Variants in OLFML2B observed in about 807,000 individuals in gnomAD.
OLFML2B encodes olfactomedin-like protein 2B.
OLFML2B carries 57 observed loss-of-function variants against 74.9 expected under a neutral mutation model. The ratio of observed to expected loss-of-function variants is 0.76; its 90% CI spans 0.61 to 0.95. The LOEUF (loss-of-function observed/expected upper bound fraction) is 0.95. Among genes scored for constraint, OLFML2B ranks in the 40% least tolerant of loss-of-function variants. The pLI is 0.00. For missense variants in OLFML2B, 986 were observed against 970.6 expected (o/e 1.02, Z -0.21); for synonymous variants, 388 against 405.8 (o/e 0.96, Z 0.53).
chr1:161,995,652 G>A (rs1372161247), intron 6 of OLFML2B, among the ~76,000 whole-genome samples: 1 of 152,186 alleles, frequency 6.6e-6, no homozygotes, highest in Non-Finnish European at 1.5e-5. Context: ...ACTCACTCCT[G>A]GCTAGCAAGT....
At chr1:161,987,739 G>T (rs1458123706) in intron 6 of OLFML2B, among the ~76,000 whole-genome samples, 1 of 152,176 alleles carries the variant, frequency 6.6e-6, no homozygotes, top group Non-Finnish European at 1.5e-5. Flanking sequence ...CAGCTTCTTG[G>T]GTTAGGGCAC....
intron 4 of OLFML2B, among the ~76,000 whole-genome samples, chr1:162,001,087 C>T (rs1200786433): frequency 2.0e-5 from 3 of 152,184 alleles, no homozygotes; most frequent in Admixed American, 1.3e-4. Flanking sequence ...GCCTGGATAG[C>T]CATTATACCT....
chr1:161,984,758 CG>C, intron 7 of OLFML2B, 45 bp downstream of exon 7: 4 of 1,580,870 alleles, frequency 2.5e-6, no homozygotes, highest in Non-Finnish European at 3.5e-6. Context: ...AAACAGAGGA[CG>C]TGGGGAAGGG....
intron 4 of OLFML2B, among the ~76,000 whole-genome samples, chr1:162,003,167 G>T (rs1246871980): frequency 6.6e-6 from 1 of 152,112 alleles, no homozygotes; most frequent in African/African-American, 2.4e-5. Context: ...TAACTTGCCT[G>T]CCATCCAAAA....
At chr1:161,995,487 G>A (rs1321046439) in intron 6 of OLFML2B, among the ~76,000 whole-genome samples, 1 of 152,214 alleles carries the variant, frequency 6.6e-6, no homozygotes, top group Non-Finnish European at 1.5e-5. Context: ...GCTTCTCTGG[G>A]CATCAGCATC....
At chr1:161,991,382 C>T (rs1335112340) in intron 6 of OLFML2B, among the ~76,000 whole-genome samples, 1 of 152,240 alleles carries the variant, frequency 6.6e-6, no homozygotes, top group East Asian at 1.9e-4. Context: ...TCTCCTTGCA[C>T]ATCTCCATGA....
intron 3 of OLFML2B, among the ~76,000 whole-genome samples, chr1:162,009,082 G>A (rs1690307588): frequency 6.6e-6 from 1 of 152,208 alleles, no homozygotes; most frequent in African/African-American, 2.4e-5. Flanking sequence ...GTTCAAGCGT[G>A]AGCAAGGCCA....
At chr1:161,993,968 A>G (rs1271514929) in intron 6 of OLFML2B, among the ~76,000 whole-genome samples, 1 of 152,230 alleles carries the variant, frequency 6.6e-6, no homozygotes, top group African/African-American at 2.4e-5. Context: ...TAGATGAATT[A>G]TTAATACTAG....
intron 3 of OLFML2B, among the ~76,000 whole-genome samples, chr1:162,009,681 G>A (rs959956507): frequency 1.3e-5 from 2 of 152,204 alleles, no homozygotes; most frequent in Non-Finnish European, 2.9e-5. Flanking sequence ...AGAGGCTGGC[G>A]GTGGCATCAC....
At chr1:161,998,652 T>C (rs1039728251) in intron 5 of OLFML2B, among the ~76,000 whole-genome samples, 2 of 151,980 alleles carry the variant, frequency 1.3e-5, no homozygotes, top group Non-Finnish European at 2.9e-5. Flanking sequence ...AAGTGAGTCA[T>C]CCAATCCATC....
rs750903320 is a variant in OLFML2B, at chr1:161,998,272, T to C, written c.1027A>G (p.Thr343Ala). The C allele has an allele frequency of 1.2e-6, 2 of 1,605,916 alleles. No homozygotes were observed. Among genetic ancestry groups the C allele is most frequent in the African/African-American group, 1.3e-5 (1 of 74,766 alleles). The change falls in exon 6 of 8, where the codon ACC becomes GCC. Residue 343 changes from threonine (T) to alanine (A), a missense_variant. By Grantham distance (58) the Thr-to-Ala change is moderately conservative. Transcript: ENST00000294794. ...DQLLRHNGLM[T>A]SVTRRPAATR... Reference sequence around the variant, plus strand: ...GCTGCAGGCCTCCGGGTGACACTGGTCATCAGGCCGTTGTGTCTCAGGAGC... The same window carrying C: ...GCTGCAGGCCTCCGGGTGACACTGGCCATCAGGCCGTTGTGTCTCAGGAGC...
chr1:161,983,677 A>C lies in OLFML2B; in HGVS notation c.2251T>G (p.Ter751GlyextTer40), dbSNP rs376988886. ...TTCTGCTTGTGGGGACAAGGGTGTC[A>C]GTAGGCAAAGATGACATGGTAAGTG... ...QVTYHVIFAY[*>G] Residue 751 changes from the stop codon to glycine (G), a stop_lost, in exon 8 of 8, where the codon TGA (stop) becomes GGA (glycine). Transcript: ENST00000294794. 1.9e-6 allele frequency: 3 copies of C among 1,603,280 alleles called. No homozygotes were observed. The highest frequency in any genetic ancestry group is 2.7e-5 in the African/African-American group (2 of 74,798).
At position 162,023,746 on chromosome 1, in the gene OLFML2B, G is replaced by T; in HGVS notation, c.-316C>A. On this transcript the variant is annotated 5_prime_UTR_variant, in exon 1 of 8. Transcript: ENST00000294794. Reference sequence around the variant, plus strand: ...CGCCCGCAGGAGGGCTCAGGTGGCTGGAAGGCGTTCGGACAGACGCCCGCG... The same window carrying T: ...CGCCCGCAGGAGGGCTCAGGTGGCTTGAAGGCGTTCGGACAGACGCCCGCG... The T allele has an allele frequency of 5.1e-6, 1 of 196,992 alleles. No individual in the cohort carries two copies. Among genetic ancestry groups the T allele is most frequent in the Non-Finnish European group, 1.0e-5 (1 of 97,582 alleles). The allele number at this position is 196,992 out of a possible 1,614,324, so 12.2% of individuals were successfully genotyped here.
chr1:162,014,036 A>G (rs1052837307), intron 3 of OLFML2B, among the ~76,000 whole-genome samples: 11 of 152,154 alleles, frequency 7.2e-5, no homozygotes, highest in African/African-American at 2.7e-4. Flanking sequence ...AAAAACAAGG[A>G]AAATGATTAA....
intron 2 of OLFML2B, among the ~76,000 whole-genome samples, chr1:162,019,170 C>T (rs1690630731): frequency 6.6e-6 from 1 of 152,230 alleles, no homozygotes; most frequent in Admixed American, 6.5e-5. Flanking sequence ...TTTACATGGT[C>T]ATGCCTAGCT....
At chr1:162,006,183 G>T in intron 4 of OLFML2B, 114 bp downstream of exon 4, 1 of 966,564 alleles carries the variant, frequency 1.0e-6, no homozygotes, top group Non-Finnish European at 1.5e-6. Context: ...TATGGATGAA[G>T]CGAGCTCATC....
intron 3 of OLFML2B, among the ~76,000 whole-genome samples, chr1:162,015,305 C>T (rs1048446740): frequency 6.6e-6 from 1 of 152,168 alleles, no homozygotes. Flanking sequence ...ACCCATACTC[C>T]CTCCTGAGCA....
At chr1:161,989,941 T>C (rs867292698) in intron 6 of OLFML2B, among the ~76,000 whole-genome samples, 2 of 152,236 alleles carry the variant, frequency 1.3e-5, no homozygotes, top group Non-Finnish European at 2.9e-5. Flanking sequence ...AGTGGTGTTC[T>C]AAGAAACACA....
chr1:162,006,311 A>AGGC lies in OLFML2B; in HGVS notation c.706_708dup (p.Ala236dup), dbSNP rs1267115652. The AGGC allele has an allele frequency of 6.3e-7, 1 of 1,593,420 alleles. No individual in the cohort carries two copies. The highest frequency in any genetic ancestry group is 1.1e-5 in the South Asian group (1 of 87,530). ...TGGGGCTATACCTCTGGGTGGGCGTAGGCTGCTGCTGCATCCCTCTGCAGG... is the reference window on the plus strand; with the variant it reads ...TGGGGCTATACCTCTGGGTGGGCGTAGGCGGCTGCTGCTGCATCCCTCTGCAGG... On this transcript the variant is annotated inframe_insertion, in exon 4 of 8. Coordinates refer to ENST00000294794, the MANE Select transcript of OLFML2B (RefSeq NM_015441.3).
Sources: allele counts gnomAD v4.1 joint callset (sites outside exome capture counted in the v4.1 genomes callset), GRCh38; gene constraint gnomAD v4.1.1; transcripts MANE v1.5; gene names NCBI Gene and HGNC (gene_info 2026-07-23, HGNC 2026-07-21).